The following RARS2 variants were observed in gnomAD, a reference collection of about 807,000 sequenced individuals.
The protein encoded by RARS2 is arginyl-tRNA synthetase 2, mitochondrial, also known as probable arginine--tRNA ligase, mitochondrial.
Under a neutral mutation model 88.5 loss-of-function variants are expected in RARS2, and 67 were observed. The observed-to-expected ratio is 0.76, with a 90% CI of 0.62 to 0.93. The LOEUF (loss-of-function observed/expected upper bound fraction) is 0.93, where lower values mean the gene tolerates loss of function less well. Ranked by LOEUF, RARS2 falls within the 40% of genes least tolerant of loss-of-function variation. The pLI is 0.00. For synonymous variants in RARS2, 239 were observed against 230.3 expected, an observed-to-expected ratio of 1.04 and a Z score of -0.34; for missense variants, 664 against 684.2, an observed-to-expected ratio of 0.97 and a Z score of 0.33.
chr6:87,555,100 A>AAAATAAATAAATAAAT (rs71018037), intron 5 of RARS2, among the ~76,000 whole-genome samples: 95 of 139,578 alleles, frequency 6.8e-4, no homozygotes, highest in Non-Finnish European at 8.0e-4. Flanking sequence ...CTCCGTCTCA[A>AAAATAAATAAATAAAT]AAATAAATAA....
chr6:87,516,736 A>G, intron 18 of RARS2, 70 bp downstream of exon 18: 1 of 1,590,154 alleles, frequency 6.3e-7, no homozygotes, highest in East Asian at 2.3e-5. Flanking sequence ...ATTTGTTTAC[A>G]GGAAACCTTT....
intron 1 of RARS2, among the ~76,000 whole-genome samples, chr6:87,579,601 G>C (rs756102909): frequency 6.7e-6 from 1 of 149,926 alleles, no homozygotes; most frequent in Non-Finnish European, 1.5e-5. Context: ...AATGCCCAAA[G>C]TAGTGAATGT....
intron 1 of RARS2, among the ~76,000 whole-genome samples, chr6:87,582,573 A>G (rs4587143): frequency 0.63 from 95,097 of 152,084 alleles, 30,955 homozygotes; most frequent in African/African-American, 0.81. Flanking sequence ...GTTTTTTGCT[A>G]TAGTATGGTT....
intron 11 of RARS2, among the ~76,000 whole-genome samples, chr6:87,522,092 G>A (rs912388814): frequency 1.3e-5 from 2 of 152,148 alleles, no homozygotes; most frequent in African/African-American, 4.8e-5. Flanking sequence ...AGCACTTTGG[G>A]AGGCTAAGGC....
intron 4 of RARS2, among the ~76,000 whole-genome samples, chr6:87,556,896 G>A (rs955148056): frequency 1.3e-5 from 2 of 150,776 alleles, no homozygotes; most frequent in African/African-American, 4.9e-5. Flanking sequence ...AAATGATCCT[G>A]ACACCTTAGC....
chr6:87,531,975 C>G (rs888711064), intron 8 of RARS2, among the ~76,000 whole-genome samples: 1 of 151,978 alleles, frequency 6.6e-6, no homozygotes, highest in Non-Finnish European at 1.5e-5. Flanking sequence ...AAAAATAAGG[C>G]TTCTAAACCC....
intron 8 of RARS2, among the ~76,000 whole-genome samples, chr6:87,537,116 G>C (rs1779420052): frequency 6.6e-6 from 1 of 152,236 alleles, no homozygotes; most frequent in African/African-American, 2.4e-5. Context: ...GTGCAATTTA[G>C]AGAATACTGA....
intron 10 of RARS2, among the ~76,000 whole-genome samples, chr6:87,526,730 G>C (rs1775855465): frequency 6.6e-6 from 1 of 151,012 alleles, no homozygotes; most frequent in Non-Finnish European, 1.5e-5. Flanking sequence ...GAGTGCAATG[G>C]CTCAATCGTG....
intron 5 of RARS2, among the ~76,000 whole-genome samples, chr6:87,553,809 A>T (rs575273685): frequency 6.6e-6 from 1 of 152,220 alleles, no homozygotes; most frequent in African/African-American, 2.4e-5. Flanking sequence ...CAACTTTAAA[A>T]ATCATAATTG....
At chr6:87,558,022 A>C (rs1266322182) in intron 4 of RARS2, among the ~76,000 whole-genome samples, 1 of 151,904 alleles carries the variant, frequency 6.6e-6, no homozygotes, top group African/African-American at 2.4e-5. Flanking sequence ...CTAAAAATAC[A>C]AAAAATTAGC....
At chr6:87,556,212 T>C (rs1366256852) in intron 4 of RARS2, among the ~76,000 whole-genome samples, 2 of 152,228 alleles carry the variant, frequency 1.3e-5, no homozygotes, top group East Asian at 1.9e-4. Context: ...AACTATGATA[T>C]ATAGTTCACA....
intron 5 of RARS2, 122 bp from the exon 6 acceptor site, chr6:87,548,768 TAAGTTAA>T: frequency 1.1e-6 from 1 of 879,516 alleles, no homozygotes; most frequent in Non-Finnish European, 1.7e-6. Context: ...AGGGCAAAGA[TAAGTTAA>T]AAGTTAAAAA....
At chr6:87,536,598 C>T (rs1779254898) in intron 8 of RARS2, among the ~76,000 whole-genome samples, 1 of 149,326 alleles carries the variant, frequency 6.7e-6, no homozygotes, top group Non-Finnish European at 1.5e-5. Flanking sequence ...GATCACGCCA[C>T]TGCACTCCAG....
At chr6:87,571,868 T>C (rs1181705308) in intron 1 of RARS2, among the ~76,000 whole-genome samples, 2 of 152,240 alleles carry the variant, frequency 1.3e-5, no homozygotes, top group African/African-American at 2.4e-5. Context: ...TTGGTACAGA[T>C]TGATTTTTTA....
chr6:87,520,797 G>A (rs1397769883), intron 12 of RARS2, among the ~76,000 whole-genome samples: 1 of 152,170 alleles, frequency 6.6e-6, no homozygotes, highest in Non-Finnish European at 1.5e-5. Flanking sequence ...TTCTTAGAGT[G>A]ACAAAATTGT....
chr6:87,530,845 G>A lies in RARS2; in HGVS notation c.710C>T (p.Ala237Val). 6.2e-7 allele frequency: 1 copy of A among 1,614,186 alleles called. No individual in the cohort carries two copies. Among genetic ancestry groups the A allele is most frequent in the Non-Finnish European group, 8.5e-7 (1 of 1,180,016 alleles). Reference sequence around the variant, plus strand: ...CCGAAATTTTTGCCACAGTGAAAGTGCTTGCACATCGCCCAGTTCCAATCG... The same window carrying A: ...CCGAAATTTTTGCCACAGTGAAAGTACTTGCACATCGCCCAGTTCCAATCG... ...FQRLELGDVQ[A>V]LSLWQKFRDL... Residue 237 changes from alanine to valine, a missense_variant, in exon 9 of 20, where the codon GCA (alanine) becomes GTA (valine). Transcript: ENST00000369536.
At chr6:87,563,395 T>C (rs1308231854) in intron 3 of RARS2, among the ~76,000 whole-genome samples, 1 of 152,234 alleles carries the variant, frequency 6.6e-6, no homozygotes, top group African/African-American at 2.4e-5. Flanking sequence ...CTATTCCTGG[T>C]AAATATCTGG....
chr6:87,562,641 A>C, intron 4 of RARS2, 61 bp downstream of exon 4: 2 of 1,266,756 alleles, frequency 1.6e-6, no homozygotes, highest in Non-Finnish European at 2.3e-6. Context: ...CTGGAGGAAG[A>C]CCACTGTGGC....
chr6:87,574,785 A>G (rs1283088231), intron 1 of RARS2, among the ~76,000 whole-genome samples: 1 of 152,232 alleles, frequency 6.6e-6, no homozygotes, highest in Admixed American at 6.5e-5. Context: ...ACAGGAGTGA[A>G]TTTTATAAGG....
Sources: allele counts gnomAD v4.1 joint callset (sites outside exome capture counted in the v4.1 genomes callset), GRCh38; gene constraint gnomAD v4.1.1; transcripts MANE v1.5; gene names NCBI Gene and HGNC (gene_info 2026-07-23, HGNC 2026-07-21).